Variants in GRIA4 observed in about 807,000 individuals in gnomAD.
The protein encoded by GRIA4 is glutamate ionotropic receptor AMPA type subunit 4.
A neutral mutation model predicts 104.0 loss-of-function variants in GRIA4; 34 were observed. The observed-to-expected ratio is 0.33, with a 90% CI of 0.25 to 0.44. GRIA4 has a LOEUF of 0.44. Among genes scored for constraint, GRIA4 ranks in the 20% least tolerant of loss-of-function variants. The pLI is 1.00. For synonymous variants in GRIA4, 386 were observed against 381.9 expected, an observed-to-expected ratio of 1.01 and a Z score of -0.13; for missense variants, 750 against 1,096.5, an observed-to-expected ratio of 0.68 and a Z score of 4.46.
intron 6 of GRIA4, among the ~76,000 whole-genome samples, chr11:105,894,715 C>G (rs1193257947): frequency 6.6e-6 from 1 of 151,932 alleles, no homozygotes; most frequent in African/African-American, 2.4e-5. Context: ...AAAACCATAG[C>G]CAAGGTGCAT....
Position 105,864,977 on chromosome 11 carries a change from T to A in GRIA4, c.672+2769T>A, listed in dbSNP as rs58713525. Among the ~76,000 whole-genome samples, 335 of 152,314 alleles carry A rather than the reference T, an allele frequency of 2.2e-3. 3 individuals carry two copies. The highest frequency in any genetic ancestry group is 7.6e-3 in the African/African-American group (317 of 41,572). On this transcript the variant is annotated intron_variant, in intron 5 of 16. Coordinates refer to ENST00000282499, the MANE Select transcript of GRIA4 (RefSeq NM_000829.4). ...TTTGTATCAATTTGCAAAAACATAA[T>A]AGAAATAGTTCAGACAATATTCTCT...
rs143447438 is a variant in GRIA4 at position 105,804,281 on chromosome 11, G to A, written c.487+51061G>A. Among the ~76,000 whole-genome samples, 76 of 151,540 alleles carry A rather than the reference G, an allele frequency of 5.0e-4. 1 individual carries two copies. The East Asian group carries it at 0.01, about 20-fold the overall frequency. ...ATGTAAAGCTGTCTTTTTGTTTTCC[G>A]TAATAAATAAGTGTAACTTCATGAA... On this transcript the variant is annotated intron_variant, in intron 4 of 16. Coordinates refer to ENST00000282499, the MANE Select transcript of GRIA4 (RefSeq NM_000829.4).
At chr11:105,889,774 T>C (rs1450011078) in intron 6 of GRIA4, among the ~76,000 whole-genome samples, 1 of 152,130 alleles carries the variant, frequency 6.6e-6, no homozygotes, top group African/African-American at 2.4e-5. Flanking sequence ...ATAAAAATAC[T>C]AAGGAATCAA....
chr11:105,891,471 G>T (rs1565320205), intron 6 of GRIA4, among the ~76,000 whole-genome samples: 1 of 152,066 alleles, frequency 6.6e-6, no homozygotes, highest in Non-Finnish European at 1.5e-5. Context: ...AGCCCTTTAA[G>T]ATTTTATCCC....
intron 4 of GRIA4, among the ~76,000 whole-genome samples, chr11:105,836,158 G>C (rs1368819779): frequency 6.6e-6 from 1 of 151,992 alleles, no homozygotes; most frequent in East Asian, 1.9e-4. Context: ...TAGAAGCATG[G>C]GGATCTTCAA....
At chr11:105,778,353 A>T (rs1197235271) in intron 4 of GRIA4, among the ~76,000 whole-genome samples, 1 of 152,200 alleles carries the variant, frequency 6.6e-6, no homozygotes, top group Non-Finnish European at 1.5e-5. Flanking sequence ...CCCTAAACAG[A>T]TCCTTGATGA....
At chr11:105,839,244 A>G (rs1944302400) in intron 4 of GRIA4, among the ~76,000 whole-genome samples, 2 of 152,164 alleles carry the variant, frequency 1.3e-5, no homozygotes, top group Admixed American at 6.5e-5. Context: ...GAAGATGTTT[A>G]TGTACCTGTC....
intron 4 of GRIA4, among the ~76,000 whole-genome samples, chr11:105,857,254 CT>C (rs1315730353): frequency 1.3e-5 from 2 of 152,092 alleles, no homozygotes; most frequent in African/African-American, 4.8e-5. Flanking sequence ...TTATTCCTTT[CT>C]TGACTCAAAT....
At chr11:105,694,979 A>G (rs1953217786) in intron 3 of GRIA4, among the ~76,000 whole-genome samples, 1 of 152,310 alleles carries the variant, frequency 6.6e-6, no homozygotes, top group Admixed American at 6.5e-5. Flanking sequence ...CAGATATGGA[A>G]TCTGGGGACT....
intron 4 of GRIA4, among the ~76,000 whole-genome samples, chr11:105,841,604 G>A (rs1264574435): frequency 6.6e-6 from 1 of 152,098 alleles, no homozygotes; most frequent in Non-Finnish European, 1.5e-5. Flanking sequence ...TAGAATTCAA[G>A]TGTTTCCTTC....
chr11:105,832,974 G>A (rs1019693375), intron 4 of GRIA4, among the ~76,000 whole-genome samples: 4 of 151,898 alleles, frequency 2.6e-5, no homozygotes, highest in Admixed American at 6.6e-5. Flanking sequence ...AACAGCTCTC[G>A]TTATCTTTTA....
At chr11:105,875,578 C>A (rs1337467474) in intron 5 of GRIA4, among the ~76,000 whole-genome samples, 1 of 152,130 alleles carries the variant, frequency 6.6e-6, no homozygotes, top group Non-Finnish European at 1.5e-5. Context: ...TTAATTACTG[C>A]CTCAATTTCA....
At chr11:105,703,566 T>C (rs1252851705) in intron 3 of GRIA4, among the ~76,000 whole-genome samples, 1 of 152,204 alleles carries the variant, frequency 6.6e-6, no homozygotes, top group African/African-American at 2.4e-5. Context: ...TAAAGCTATA[T>C]AAGCCAACAA....
intron 13 of GRIA4, among the ~76,000 whole-genome samples, chr11:105,930,754 T>C (rs1947849460): frequency 6.6e-6 from 1 of 152,082 alleles, no homozygotes; most frequent in Non-Finnish European, 1.5e-5. Context: ...AACTGGAAAG[T>C]TGCCAAGTAA....
At chr11:105,974,910 G>A (rs533387548) in intron 16 of GRIA4, 194 of 181,634 alleles carry the variant, frequency 1.1e-3, no homozygotes, top group Non-Finnish European at 2.0e-3. Context: ...CAATTTTAGG[G>A]TAGGTGCTAA....
At chr11:105,680,646 G>A (rs1244539522) in intron 3 of GRIA4, among the ~76,000 whole-genome samples, 1 of 151,988 alleles carries the variant, frequency 6.6e-6, no homozygotes, top group East Asian at 1.9e-4. Context: ...GAACTTCTGT[G>A]CTTTTTAAAA....
chr11:105,761,286 T>C (rs1009091200), intron 4 of GRIA4, among the ~76,000 whole-genome samples: 4 of 152,168 alleles, frequency 2.6e-5, no homozygotes, highest in African/African-American at 9.7e-5. Flanking sequence ...TAGCTACTCA[T>C]GTTTTCTTTT....
At chr11:105,903,297 A>T (rs1186886700) in intron 7 of GRIA4, among the ~76,000 whole-genome samples, 1 of 152,212 alleles carries the variant, frequency 6.6e-6, no homozygotes, top group African/African-American at 2.4e-5. Context: ...AATAACAATA[A>T]ACAATTCCAC....
At chr11:105,687,176 A>G (rs961300645) in intron 3 of GRIA4, among the ~76,000 whole-genome samples, 1 of 152,174 alleles carries the variant, frequency 6.6e-6, no homozygotes, top group African/African-American at 2.4e-5. Context: ...TAGGTAAAAA[A>G]GAAGAATTTG....
Sources: gnomAD v4.1 joint callset for allele counts (sites outside exome capture counted in the v4.1 genomes callset) on GRCh38, gnomAD v4.1.1 for gene constraint, MANE v1.5 for transcripts, NCBI Gene and HGNC (gene_info 2026-07-23, HGNC 2026-07-21) for gene names.